The following CNTNAP2 variants were observed in gnomAD, a reference collection of about 807,000 sequenced individuals.
CNTNAP2 encodes contactin associated protein 2.
CNTNAP2 carries 98 observed loss-of-function variants against 155.2 expected under a neutral mutation model. The ratio of observed to expected loss-of-function variants is 0.63; its 90% CI spans 0.54 to 0.75. The LOEUF (loss-of-function observed/expected upper bound fraction) is 0.75, where lower values mean the gene tolerates loss of function less well. Among genes scored for constraint, CNTNAP2 ranks in the 30% least tolerant of loss-of-function variants. CNTNAP2 has a pLI of 0.00. For missense variants in CNTNAP2, 1,727 were observed against 1,688.1 expected, an observed-to-expected ratio of 1.02 and a Z score of -0.40; for synonymous variants, 651 against 631.2, an observed-to-expected ratio of 1.03 and a Z score of -0.47.
intron 15 of CNTNAP2, among the ~76,000 whole-genome samples, chr7:148,090,472 A>G (rs772064154): frequency 7.9e-5 from 12 of 152,152 alleles, no homozygotes; most frequent in Non-Finnish European, 1.8e-4. Context: ...TTCTCAAAAG[A>G]AGGCATACAT....
chr7:147,973,160 T>TTAAAAAAAAAA (rs1316701536), intron 14 of CNTNAP2, among the ~76,000 whole-genome samples: 4 of 120,856 alleles, frequency 3.3e-5, no homozygotes, highest in African/African-American at 1.4e-4. Context: ...TCTCTAAAAT[T>TTAAAAAAAAAA]AAAAAAAAAA....
intron 14 of CNTNAP2, among the ~76,000 whole-genome samples, chr7:147,905,557 T>A (rs559853459): frequency 1.3e-5 from 2 of 152,276 alleles, no homozygotes; most frequent in African/African-American, 4.8e-5. Context: ...CAGTCAGTGT[T>A]GTGAGGAAGG....
chr7:147,013,461 C>CT (rs1798662785), intron 3 of CNTNAP2, among the ~76,000 whole-genome samples: 1 of 152,102 alleles, frequency 6.6e-6, no homozygotes, highest in African/African-American at 2.4e-5. Flanking sequence ...GCTAACCTCA[C>CT]AAAATATACT....
chr7:147,274,369 A>G (rs1023760084), intron 8 of CNTNAP2, among the ~76,000 whole-genome samples: 1 of 152,086 alleles, frequency 6.6e-6, no homozygotes, highest in Non-Finnish European at 1.5e-5. Flanking sequence ...GATGATCATC[A>G]TTGATTTTGA....
chr7:146,524,140 T>C (rs1797654804), intron 1 of CNTNAP2, among the ~76,000 whole-genome samples: 1 of 152,124 alleles, frequency 6.6e-6, no homozygotes, highest in Non-Finnish European at 1.5e-5. Flanking sequence ...AAATGCCTAG[T>C]TGAAACATAG....
intron 11 of CNTNAP2, among the ~76,000 whole-genome samples, chr7:147,508,777 C>A (rs1476026466): frequency 6.6e-6 from 1 of 152,172 alleles, no homozygotes; most frequent in Non-Finnish European, 1.5e-5. Flanking sequence ...CCTGCACACT[C>A]TCTCTTGCCT....
intron 4 of CNTNAP2, among the ~76,000 whole-genome samples, chr7:147,091,797 G>A (rs1800413156): frequency 6.6e-6 from 1 of 151,976 alleles, no homozygotes. Flanking sequence ...TAGTAGAGAC[G>A]GAATTTCACC....
chr7:146,940,397 T>G (rs559480844), intron 3 of CNTNAP2, among the ~76,000 whole-genome samples: 1 of 151,952 alleles, frequency 6.6e-6, no homozygotes, highest in South Asian at 2.1e-4. Flanking sequence ...GGTTTCACCT[T>G]GTTGTCCAGG....
At chr7:148,271,730 AT>A (rs1796784568) in intron 21 of CNTNAP2, among the ~76,000 whole-genome samples, 1 of 152,230 alleles carries the variant, frequency 6.6e-6, no homozygotes. Context: ...TACTCCTTTG[AT>A]ATTTGATCAT....
At chr7:148,104,011 T>C (rs1477002090) in intron 15 of CNTNAP2, among the ~76,000 whole-genome samples, 1 of 152,218 alleles carries the variant, frequency 6.6e-6, no homozygotes, top group Non-Finnish European at 1.5e-5. Flanking sequence ...TGTATGATGT[T>C]ATTGCTTTAA....
intron 3 of CNTNAP2, among the ~76,000 whole-genome samples, chr7:146,929,211 C>G (rs558414435): frequency 6.6e-6 from 1 of 152,192 alleles, no homozygotes; most frequent in Non-Finnish European, 1.5e-5. Flanking sequence ...ACTGACACCT[C>G]ACACGGCCGG....
At chr7:146,474,999 A>ACGCG (rs549568997) in intron 1 of CNTNAP2, among the ~76,000 whole-genome samples, 54 of 138,584 alleles carry the variant, frequency 3.9e-4, no homozygotes, top group African/African-American at 1.3e-3. Context: ...ACGAGCGCGC[A>ACGCG]CGCGCGCGCG....
At chr7:147,055,765 G>T (rs1584808479) in intron 4 of CNTNAP2, among the ~76,000 whole-genome samples, 1 of 152,162 alleles carries the variant, frequency 6.6e-6, no homozygotes, top group South Asian at 2.1e-4. Flanking sequence ...TAATTCTGTG[G>T]GTGTAGGGTA....
chr7:146,591,714 T>G (rs1798786333), intron 1 of CNTNAP2, among the ~76,000 whole-genome samples: 1 of 152,164 alleles, frequency 6.6e-6, no homozygotes, highest in Non-Finnish European at 1.5e-5. Flanking sequence ...CAAGTTATGC[T>G]TTTATCTTCT....
intron 3 of CNTNAP2, among the ~76,000 whole-genome samples, chr7:146,862,611 G>C (rs1795125291): frequency 6.6e-6 from 1 of 152,178 alleles, no homozygotes; most frequent in South Asian, 2.1e-4. Flanking sequence ...AAGGCATAAT[G>C]TTACTTGGCT....
intron 1 of CNTNAP2, among the ~76,000 whole-genome samples, chr7:146,244,074 C>T (rs879152546): frequency 2.0e-5 from 3 of 151,844 alleles, no homozygotes; most frequent in East Asian, 1.9e-4. Flanking sequence ...GGCCTGGATA[C>T]GGTTTTGTAT....
intron 16 of CNTNAP2, among the ~76,000 whole-genome samples, chr7:148,122,044 C>T (rs1429231846): frequency 6.6e-6 from 1 of 152,198 alleles, no homozygotes; most frequent in African/African-American, 2.4e-5. Context: ...AATAGCTCAG[C>T]TTCATTCAGA....
intron 1 of CNTNAP2, among the ~76,000 whole-genome samples, chr7:146,638,227 A>C (rs987804507): frequency 6.6e-6 from 1 of 152,184 alleles, no homozygotes; most frequent in East Asian, 1.9e-4. Flanking sequence ...ATGAACTGAC[A>C]GTGACTTAAA....
chr7:147,861,610 A>G (rs996332896), intron 13 of CNTNAP2, among the ~76,000 whole-genome samples: 16 of 152,340 alleles, frequency 1.1e-4, no homozygotes, highest in Admixed American at 2.0e-4. Flanking sequence ...CCATTGCATT[A>G]TAGAATCATT....
Sources: allele counts gnomAD v4.1 joint callset (sites outside exome capture counted in the v4.1 genomes callset), GRCh38; gene constraint gnomAD v4.1.1; transcripts MANE v1.5; gene names NCBI Gene and HGNC (gene_info 2026-07-23, HGNC 2026-07-21).